Variants in RALGAPA1 observed in about 807,000 individuals in gnomAD.
RALGAPA1 encodes ral GTPase-activating protein subunit alpha-1.
In RALGAPA1, 52 loss-of-function variants were observed where a neutral mutation model predicts 269.6. The observed-to-expected ratio is 0.19, with a 90% CI of 0.15 to 0.24. The LOEUF is 0.24. Among genes scored for constraint, RALGAPA1 ranks in the 10% least tolerant of loss-of-function variants. The pLI, the probability that RALGAPA1 is intolerant of heterozygous loss-of-function variation, is 1.00. For missense variants in RALGAPA1, 1,917 were observed against 3,013.9 expected (o/e 0.64, Z 8.52); for synonymous variants, 817 against 1,008.3 (o/e 0.81, Z 3.60).
chr14:35,612,672 G>T (rs2139337113), intron 35 of RALGAPA1, among the ~76,000 whole-genome samples: 1 of 151,774 alleles, frequency 6.6e-6, no homozygotes, highest in African/African-American at 2.4e-5. Context: ...CTGAGTGGCT[G>T]GGACTACAGG....
chr14:35,634,447 T>C (rs1400544806), intron 33 of RALGAPA1, 127 bp downstream of exon 33: 2 of 592,244 alleles, frequency 3.4e-6, no homozygotes, highest in Non-Finnish European at 5.5e-6. Flanking sequence ...ACTTGTGCTA[T>C]ACATACATGG....
chr14:35,634,534 A>G, intron 33 of RALGAPA1, 40 bp downstream of exon 33: 1 of 1,521,450 alleles, frequency 6.6e-7, no homozygotes, highest in Non-Finnish European at 8.9e-7. Flanking sequence ...CCTTGAGAGA[A>G]CCCAAGCAAC....
rs2063035279 is a variant in RALGAPA1 at position 35,654,320 on chromosome 14, T to TA, written c.5607+46dup. ...TTTTACAATTCAAAGTATCCAAATC[T>TA]AAAAAAATTTAACAAGGTCATAATA... On this transcript the variant is annotated intron_variant, in intron 30 of 41. Coordinates refer to ENST00000680220, the MANE Select transcript of RALGAPA1 (RefSeq NM_001346249.2). The TA allele has an allele frequency of 3.3e-6, 5 of 1,498,076 alleles. No homozygotes were observed. In the Admixed American group the frequency reaches 9.6e-5, roughly 29 times the overall value. 92.8% of individuals were successfully genotyped at this position (1,498,076 alleles called of 1,614,324 possible).
chr14:35,554,926 T>C (rs2139194125), intron 39 of RALGAPA1, among the ~76,000 whole-genome samples: 1 of 152,290 alleles, frequency 6.6e-6, no homozygotes, highest in East Asian at 1.9e-4. Context: ...ATAAAGTTGG[T>C]TTGATAGTAG....
Position 35,562,536 on chromosome 14 carries a change from G to A in RALGAPA1, c.7496+8081C>T, listed in dbSNP as rs890124370. Among the ~76,000 whole-genome samples the A allele has an allele frequency of 4.6e-5, 7 of 151,900 alleles. No homozygotes were observed. In the East Asian group the frequency reaches 1.4e-3, roughly 29 times the overall value. On this transcript the variant is annotated intron_variant, in intron 39 of 41. Coordinates refer to ENST00000680220, the MANE Select transcript of RALGAPA1 (RefSeq NM_001346249.2). The stretch of plus-strand genomic sequence containing the variant: ...TGGGCTCTAATAAAAATATACTACT[G>A]ATTAAGTAGTCAAAATAAAAAACCC...
At chr14:35,608,754 T>C (rs2059740589) in intron 35 of RALGAPA1, among the ~76,000 whole-genome samples, 1 of 152,166 alleles carries the variant, frequency 6.6e-6, no homozygotes, top group South Asian at 2.1e-4. Flanking sequence ...AGTTGAAGAT[T>C]TTAATATCCC....
At chr14:35,694,907 T>C (rs935967312) in intron 17 of RALGAPA1, among the ~76,000 whole-genome samples, 1 of 151,784 alleles carries the variant, frequency 6.6e-6, no homozygotes, top group Non-Finnish European at 1.5e-5. Context: ...TGAAACCCCA[T>C]CTCTACCAAA....
intron 31 of RALGAPA1, among the ~76,000 whole-genome samples, chr14:35,651,378 AG>A: frequency 6.6e-6 from 1 of 152,298 alleles, no homozygotes; most frequent in Non-Finnish European, 1.5e-5. Context: ...AATGTCACCT[AG>A]TAGAATGTTT....
At chr14:35,553,447 A>G (rs1220478211) in intron 39 of RALGAPA1, among the ~76,000 whole-genome samples, 1 of 152,190 alleles carries the variant, frequency 6.6e-6, no homozygotes, top group African/African-American at 2.4e-5. Context: ...GAATAGATAA[A>G]GGTAGATTTG....
intron 35 of RALGAPA1, among the ~76,000 whole-genome samples, chr14:35,622,633 A>C (rs2060709076): frequency 1.3e-5 from 2 of 152,272 alleles, no homozygotes; most frequent in South Asian, 2.1e-4. Flanking sequence ...TTAATATTTA[A>C]TAAAGGAAGC....
At chr14:35,560,153 T>C (rs1226154093) in intron 39 of RALGAPA1, among the ~76,000 whole-genome samples, 1 of 152,074 alleles carries the variant, frequency 6.6e-6, no homozygotes, top group Non-Finnish European at 1.5e-5. Flanking sequence ...AGTCAACGGG[T>C]AAAAAACACA....
At chr14:35,761,771 G>C (rs115250628) in intron 5 of RALGAPA1, among the ~76,000 whole-genome samples, 1,630 of 152,248 alleles carry the variant, frequency 0.011, 32 homozygotes, top group African/African-American at 0.037. Context: ...CTCACTGATA[G>C]CTTTGTAAAT....
intron 13 of RALGAPA1, 76 bp downstream of exon 13, chr14:35,728,286 C>T: frequency 1.6e-6 from 2 of 1,289,316 alleles, no homozygotes; most frequent in South Asian, 2.5e-5. Context: ...TCTTCACAGA[C>T]ACTATTTCTC....
In RALGAPA1 at chr14:35,539,317, C is replaced by T; in HGVS notation, c.*397G>A. 2.3e-6 allele frequency: 1 copy of T among 428,936 alleles called. No homozygotes were observed. 26.6% of individuals were successfully genotyped at this position (428,936 alleles called of 1,614,324 possible). On this transcript the variant is annotated 3_prime_UTR_variant, in exon 42 of 42. Transcript: ENST00000680220. Reference sequence around the variant, plus strand: ...TGTAGAATAAAACTCCCCCTGCCCTCAAAATATGGCAGCTTGGATTGTGGG... The same window carrying T: ...TGTAGAATAAAACTCCCCCTGCCCTTAAAATATGGCAGCTTGGATTGTGGG...
At chr14:35,743,050 A>G (rs1049387656) in intron 10 of RALGAPA1, among the ~76,000 whole-genome samples, 1 of 152,082 alleles carries the variant, frequency 6.6e-6, no homozygotes, top group Non-Finnish European at 1.5e-5. Context: ...AGACACACCA[A>G]TTCACCTAAT....
intron 31 of RALGAPA1, among the ~76,000 whole-genome samples, chr14:35,639,138 AG>A (rs200566838): frequency 0.014 from 2,110 of 152,300 alleles, 35 homozygotes; most frequent in Non-Finnish European, 0.018. Context: ...CAAAAAAAGC[AG>A]AAGTAGTTAC....
chr14:35,602,699 A>G (rs1163240253), intron 36 of RALGAPA1, among the ~76,000 whole-genome samples: 1 of 152,168 alleles, frequency 6.6e-6, no homozygotes, highest in Non-Finnish European at 1.5e-5. Flanking sequence ...TATATTCTAG[A>G]TACTAGTCTC....
intron 33 of RALGAPA1, among the ~76,000 whole-genome samples, chr14:35,634,339 T>C (rs1457430769): frequency 6.6e-6 from 1 of 152,220 alleles, no homozygotes; most frequent in Non-Finnish European, 1.5e-5. Flanking sequence ...TCTGGTCCCA[T>C]GCATTTCAGA....
chr14:35,773,263 C>T (rs1038469523), intron 3 of RALGAPA1, among the ~76,000 whole-genome samples: 3 of 152,056 alleles, frequency 2.0e-5, no homozygotes, highest in Non-Finnish European at 2.9e-5. Context: ...CATAATGATG[C>T]TTTTTATTCC....
Sources: allele counts gnomAD v4.1 joint callset (sites outside exome capture counted in the v4.1 genomes callset), GRCh38; gene constraint gnomAD v4.1.1; transcripts MANE v1.5; gene names NCBI Gene and HGNC (gene_info 2026-07-23, HGNC 2026-07-21).